Variants in PMS1 observed in about 807,000 individuals in gnomAD.
PMS1 encodes the protein PMS1 homolog 1, mismatch repair system component.
A neutral mutation model predicts 93.1 loss-of-function variants in PMS1; 79 were observed. The observed-to-expected ratio is 0.85, with a 90% CI of 0.71 to 1.02. The LOEUF (loss-of-function observed/expected upper bound fraction) is 1.02. PMS1 is among the 50% of genes least tolerant of loss of function. The probability of loss-of-function intolerance (pLI) is 0.00; values close to 1 mark genes in which losing one functional copy is unlikely to be tolerated. For missense variants in PMS1, 1,064 were observed against 1,085.3 expected (o/e 0.98, Z 0.28); for synonymous variants, 335 against 363.4 (o/e 0.92, Z 0.89).
chr2:189,834,631 G>A (rs1050410377), intron 5 of PMS1, among the ~76,000 whole-genome samples: 13 of 152,186 alleles, frequency 8.5e-5, no homozygotes, highest in African/African-American at 2.9e-4. Context: ...AATCTTTCTT[G>A]TTTTTAAAGA....
intron 5 of PMS1, among the ~76,000 whole-genome samples, chr2:189,826,831 G>A (rs1046719874): frequency 7.2e-5 from 11 of 152,118 alleles, no homozygotes; most frequent in Non-Finnish European, 2.9e-5. Flanking sequence ...GTACAGGATG[G>A]AATATTAAAT....
intron 1 of PMS1, among the ~76,000 whole-genome samples, chr2:189,787,647 A>G (rs1371272424): frequency 1.3e-5 from 2 of 152,048 alleles, no homozygotes; most frequent in Non-Finnish European, 2.9e-5. Flanking sequence ...AAAATTTTAA[A>G]TGATGTATGT....
intron 11 of PMS1, among the ~76,000 whole-genome samples, chr2:189,869,308 C>A (rs1466735331): frequency 6.6e-6 from 1 of 152,200 alleles, no homozygotes; most frequent in Admixed American, 6.5e-5. Context: ...ATTCTCTTTT[C>A]TTACCATCCA....
chr2:189,796,593 A>C (rs1436023989), intron 3 of PMS1, among the ~76,000 whole-genome samples: 1 of 152,154 alleles, frequency 6.6e-6, no homozygotes, highest in Non-Finnish European at 1.5e-5. Flanking sequence ...AGACTATTCT[A>C]GGTATCACAT....
intron 4 of PMS1, among the ~76,000 whole-genome samples, chr2:189,814,540 C>G (rs965677028): frequency 1.3e-4 from 20 of 152,020 alleles, no homozygotes; most frequent in African/African-American, 4.8e-4. Flanking sequence ...CAGACAAATA[C>G]AAACTTTATT....
intron 12 of PMS1, 40 bp from the exon 13 acceptor site, chr2:189,877,232 G>A (rs2057652229): frequency 1.9e-6 from 3 of 1,554,994 alleles, no homozygotes; most frequent in East Asian, 2.2e-5. Context: ...TCAGCTTCAG[G>A]GTATATCATG....
intron 3 of PMS1, among the ~76,000 whole-genome samples, chr2:189,802,464 G>C (rs5743004): frequency 0.037 from 5,701 of 152,276 alleles, 137 homozygotes; most frequent in Admixed American, 0.058. Context: ...GGGTAGAAGA[G>C]AAGAGATTGG....
chr2:189,791,643 C>A, intron 1 of PMS1, 147 bp from the exon 2 acceptor site: 1 of 594,036 alleles, frequency 1.7e-6, no homozygotes, highest in Non-Finnish European at 3.0e-6. Context: ...AAATAGAAGA[C>A]TTAATATTGT....
chr2:189,859,903 A>G (rs1455968897), intron 9 of PMS1, among the ~76,000 whole-genome samples: 1 of 152,206 alleles, frequency 6.6e-6, no homozygotes, highest in Non-Finnish European at 1.5e-5. Flanking sequence ...AGCAGTTACC[A>G]AATGAAGTAT....
chr2:189,851,421 T>C (rs75492330), intron 6 of PMS1, among the ~76,000 whole-genome samples: 1,885 of 152,288 alleles, frequency 0.012, 37 homozygotes, highest in African/African-American at 0.04. Context: ...TGGTAAATTA[T>C]ACAACCATTT....
chr2:189,847,686 G>A (rs1452198269), intron 6 of PMS1, among the ~76,000 whole-genome samples: 5 of 152,060 alleles, frequency 3.3e-5, no homozygotes. Context: ...TCCATGAATA[G>A]GAAATCTAAT....
chr2:189,814,077 A>T (rs5743032), intron 4 of PMS1, among the ~76,000 whole-genome samples: 1 of 151,998 alleles, frequency 6.6e-6, no homozygotes, highest in African/African-American at 2.4e-5. Context: ...TGCTAAATGC[A>T]TGCATTTCTT....
chr2:189,840,253 C>CA (rs965074111), intron 5 of PMS1, among the ~76,000 whole-genome samples: 8 of 149,612 alleles, frequency 5.3e-5, no homozygotes, highest in Admixed American at 1.3e-4. Flanking sequence ...TATTTCTGGA[C>CA]AAAAAAAAAT....
At chr2:189,787,753 A>G (rs1283736170) in intron 1 of PMS1, among the ~76,000 whole-genome samples, 4 of 152,182 alleles carry the variant, frequency 2.6e-5, no homozygotes, top group African/African-American at 9.7e-5. Context: ...GCTCTTACTA[A>G]CAGCTATATG....
intron 9 of PMS1, among the ~76,000 whole-genome samples, chr2:189,860,771 A>G (rs1390884342): frequency 9.3e-6 from 1 of 107,632 alleles, no homozygotes; most frequent in African/African-American, 3.3e-5. Flanking sequence ...AGGTGATAAT[A>G]TTGCTAAAAT....
At chr2:189,832,904 T>A (rs2053079735) in intron 5 of PMS1, among the ~76,000 whole-genome samples, 1 of 152,130 alleles carries the variant, frequency 6.6e-6, no homozygotes, top group South Asian at 2.1e-4. Flanking sequence ...CATTTTATTA[T>A]GTATTTTAAA....
chr2:189,869,422 T>C (rs113215081), intron 11 of PMS1, among the ~76,000 whole-genome samples: 343 of 152,360 alleles, frequency 2.3e-3, no homozygotes, highest in Middle Eastern at 0.02. Context: ...GTGAATTTAC[T>C]TGAAGCAAGG....
At chr2:189,876,299 G>A (rs995293865) in intron 12 of PMS1, among the ~76,000 whole-genome samples, 1 of 152,064 alleles carries the variant, frequency 6.6e-6, no homozygotes, top group Non-Finnish European at 1.5e-5. Flanking sequence ...TATAAGAGAA[G>A]GTTAATTAGA....
chr2:189,786,389 C>T (rs1016963282), intron 1 of PMS1, among the ~76,000 whole-genome samples: 9 of 151,856 alleles, frequency 5.9e-5, no homozygotes, highest in African/African-American at 1.2e-4. Flanking sequence ...AGAGAAAGGC[C>T]GAATGGAGGC....
Sources: gnomAD v4.1 joint callset for allele counts (sites outside exome capture counted in the v4.1 genomes callset) on GRCh38, gnomAD v4.1.1 for gene constraint, MANE v1.5 for transcripts, NCBI Gene and HGNC (gene_info 2026-07-23, HGNC 2026-07-21) for gene names.